ZNF346: variants seen among roughly 807,000 people sequenced by gnomAD.
ZNF346 encodes double-stranded RNA-binding zinc finger protein JAZ.
ZNF346 carries 23 observed loss-of-function variants against 33.7 expected under a neutral mutation model. The observed-to-expected ratio is 0.68, with a 90% confidence interval of 0.49 to 0.97. ZNF346 has a LOEUF of 0.97. Ranked by LOEUF, ZNF346 falls within the 50% of genes least tolerant of loss-of-function variation. ZNF346 has a pLI of 0.00. For missense variants in ZNF346, 340 were observed against 371.1 expected (o/e 0.92, Z 0.69); for synonymous variants, 134 against 142.4 (o/e 0.94, Z 0.42).
chr5:177,028,287 C>T (rs1254642231), intron 1 of ZNF346, among the ~76,000 whole-genome samples: 3 of 149,900 alleles, frequency 2.0e-5, no homozygotes, highest in Non-Finnish European at 4.4e-5. Flanking sequence ...AGTGATCTGT[C>T]CGCCTCTGCT....
chr5:177,064,254 G>A (rs1782911641), intron 6 of ZNF346, among the ~76,000 whole-genome samples: 1 of 152,210 alleles, frequency 6.6e-6, no homozygotes, highest in African/African-American at 2.4e-5. Context: ...CATACTTCGG[G>A]CCAGCCACTT....
chr5:177,053,781 A>G (rs543157696), intron 5 of ZNF346, among the ~76,000 whole-genome samples: 1 of 152,296 alleles, frequency 6.6e-6, no homozygotes, highest in East Asian at 1.9e-4. Context: ...ACATTTTGTG[A>G]CATACTAACA....
intron 1 of ZNF346, among the ~76,000 whole-genome samples, chr5:177,033,297 T>A (rs1295991037): frequency 6.6e-6 from 1 of 152,174 alleles, no homozygotes; most frequent in African/African-American, 2.4e-5. Context: ...TGTGTTGGTC[T>A]CAAACTCCTG....
At chr5:177,047,534 G>C (rs1780254821) in intron 4 of ZNF346, among the ~76,000 whole-genome samples, 1 of 151,070 alleles carries the variant, frequency 6.6e-6, no homozygotes, top group African/African-American at 2.4e-5. Context: ...TTGAGATGGA[G>C]TTTTGCTGTC....
downstream of ZNF346, among the ~76,000 whole-genome samples, chr5:177,071,366 TAA>T (rs909904213): frequency 5.4e-5 from 7 of 129,762 alleles, no homozygotes; most frequent in Admixed American, 2.3e-4. Context: ...GGGAGCCTCT[TAA>T]AAAAAAAAAA....
intron 1 of ZNF346, among the ~76,000 whole-genome samples, chr5:177,034,841 T>G (rs1369608508): frequency 6.6e-6 from 1 of 152,192 alleles, no homozygotes; most frequent in African/African-American, 2.4e-5. Flanking sequence ...CTTCATAGGT[T>G]GAGAGAGAAG....
At chr5:177,031,820 A>G (rs747109057) in intron 1 of ZNF346, among the ~76,000 whole-genome samples, 1 of 151,660 alleles carries the variant, frequency 6.6e-6, no homozygotes, top group Non-Finnish European at 1.5e-5. Context: ...CAGATCAGCT[A>G]TTTCTATTGC....
Position 177,050,623 on chromosome 5 carries a change from G to A in ZNF346, c.518-128G>A, listed in dbSNP as rs1298233877. The A allele has an allele frequency of 3.2e-6, 3 of 947,660 alleles. No individual in the cohort carries two copies. In the East Asian group the frequency reaches 7.5e-5, roughly 24 times the overall value. 58.7% of individuals were successfully genotyped at this position (947,660 alleles called of 1,614,324 possible). ...TGCAGTAGGATTAACTGGTGTCACA[G>A]CCCTTTCTATTCAGCATACTCAAAA... On this transcript the variant is annotated intron_variant, in intron 4 of 6. Coordinates refer to ENST00000358149, the MANE Select transcript of ZNF346 (RefSeq NM_012279.4).
At chr5:177,023,217 A>G (rs1470823788) in intron 1 of ZNF346, 6 of 1,536,436 alleles carry the variant, frequency 3.9e-6, no homozygotes, top group Non-Finnish European at 5.2e-6. Flanking sequence ...TCGGAGACCT[A>G]CAGTCTTTGC....
At position 177,053,664 on chromosome 5, in the gene ZNF346, C is replaced by T. The variant is rs539678958; in HGVS notation, c.703+2728C>T. Reference sequence around the variant, plus strand: ...TATCGACCTTGATGAGTTTTTCTTACATGTGTTCTTGTTTGCTATGAATTC... The same window carrying T: ...TATCGACCTTGATGAGTTTTTCTTATATGTGTTCTTGTTTGCTATGAATTC... On this transcript the variant is annotated intron_variant, in intron 5 of 6. Coordinates refer to ENST00000358149, the MANE Select transcript of ZNF346 (RefSeq NM_012279.4). Among the ~76,000 whole-genome samples, 131 of 152,202 alleles carry T rather than the reference C, an allele frequency of 8.6e-4. 1 individual carries two copies. Among genetic ancestry groups the T allele is most frequent in the African/African-American group, 2.9e-3 (122 of 41,546 alleles).
intron 1 of ZNF346, among the ~76,000 whole-genome samples, chr5:177,038,491 C>A (rs1778872829): frequency 6.6e-6 from 1 of 151,252 alleles, no homozygotes; most frequent in Non-Finnish European, 1.5e-5. Flanking sequence ...ATTTCTAATT[C>A]TCTGTCATTG....
At chr5:177,051,389 A>G (rs1003470872) in intron 5 of ZNF346, among the ~76,000 whole-genome samples, 1 of 151,400 alleles carries the variant, frequency 6.6e-6, no homozygotes, top group Non-Finnish European at 1.5e-5. Context: ...GTTAGCCAGG[A>G]TGGTCTCGAT....
chr5:177,057,797 C>CT lies in ZNF346; in HGVS notation c.704-4259dup, dbSNP rs369343788. On this transcript the variant is annotated intron_variant, in intron 5 of 6. Coordinates refer to ENST00000358149, the MANE Select transcript of ZNF346 (RefSeq NM_012279.4). ...CCTTCACTCTGAGGTCATAGATTTT[C>CT]TTATTTATTTATTTATTTATTTATT... Among the ~76,000 whole-genome samples, 645 of 133,320 alleles carry CT rather than the reference C, an allele frequency of 4.8e-3. 5 individuals carry two copies. The highest frequency in any genetic ancestry group is 0.019 in the South Asian group (80 of 4,176). 87.5% of individuals were successfully genotyped at this position (133,320 alleles called of 152,430 possible).
Position 177,035,118 on chromosome 5 carries a change from G to A in ZNF346, c.176-6008G>A, listed in dbSNP as rs1328008992. Among the ~76,000 whole-genome samples, 8 of 151,612 alleles carry A rather than the reference G, an allele frequency of 5.3e-5. 1 individual carries two copies. In the South Asian group the frequency reaches 1.5e-3, roughly 28 times the overall value. ...TGCAACCTCCACCTCCTGGGTTCAAGTGATTCTTGTGCCTCAGCCTCCCAA... is the reference window on the plus strand; with the variant it reads ...TGCAACCTCCACCTCCTGGGTTCAAATGATTCTTGTGCCTCAGCCTCCCAA... On this transcript the variant is annotated intron_variant, in intron 1 of 6. Transcript: ENST00000358149.
chr5:177,076,009 C>T (rs1325161416), intron 8 of ZNF346, among the ~76,000 whole-genome samples: 3 of 151,738 alleles, frequency 2.0e-5, no homozygotes, highest in Non-Finnish European at 2.9e-5. Context: ...TTATTAGGGT[C>T]TCACTCCGTT....
chr5:177,044,990 G>T (rs1003366550), intron 4 of ZNF346, among the ~76,000 whole-genome samples: 2 of 152,182 alleles, frequency 1.3e-5, no homozygotes, highest in African/African-American at 4.8e-5. Flanking sequence ...TTCTCCTCAA[G>T]ACAGGGACTT....
intron 1 of ZNF346, among the ~76,000 whole-genome samples, chr5:177,036,232 T>G (rs932910348): frequency 2.0e-5 from 3 of 152,176 alleles, no homozygotes; most frequent in Admixed American, 6.5e-5. Flanking sequence ...GTGGTCTTGA[T>G]GCATGAAATA....
At chr5:177,075,821 G>A (rs1245065775) in intron 8 of ZNF346, among the ~76,000 whole-genome samples, 1 of 152,142 alleles carries the variant, frequency 6.6e-6, no homozygotes, top group Non-Finnish European at 1.5e-5. Flanking sequence ...CAATTAGCTG[G>A]AATTACAGGC....
At position 177,077,553 on chromosome 5, in the gene ZNF346, G is replaced by C. The variant is rs913326871; in HGVS notation, c.*3-1829G>C. On this transcript the variant is annotated intron_variant, in intron 8 of 8. Coordinates refer to the ZNF346 transcript ENST00000503039. This position sits in a 1 kb window ranked among gnomAD's most constrained non-coding sequence, Gnocchi z 5.0. ...CCTATTCACAGCTCAGCTTCTCAGA[G>C]AGTTGGTTTCCTATTCATTCCAATA... Among the ~76,000 whole-genome samples, 3 of 152,148 alleles carry C rather than the reference G, an allele frequency of 2.0e-5. No individual in the cohort carries two copies. The highest frequency in any genetic ancestry group is 4.4e-5 in the Non-Finnish European group (3 of 68,028).
Sources: allele counts gnomAD v4.1 joint callset (sites outside exome capture counted in the v4.1 genomes callset), GRCh38; gene constraint gnomAD v4.1.1; non-coding constraint Gnocchi (gnomAD v3.1); transcripts MANE v1.5; gene names NCBI Gene and HGNC (gene_info 2026-07-23, HGNC 2026-07-21).